ITGA2: variants seen among roughly 807,000 people sequenced by gnomAD.
ITGA2 encodes the protein integrin subunit alpha 2.
A neutral mutation model predicts 146.3 loss-of-function variants in ITGA2; 101 were observed. That is an observed-to-expected ratio of 0.69 (90% CI 0.59 to 0.81). The LOEUF (loss-of-function observed/expected upper bound fraction) is 0.81. Ranked by LOEUF, ITGA2 falls within the 40% of genes least tolerant of loss-of-function variation. ITGA2 has a pLI of 0.00. For missense variants in ITGA2, 1,281 were observed against 1,402.7 expected, an observed-to-expected ratio of 0.91 and a Z score of 1.39; for synonymous variants, 477 against 487.1, an observed-to-expected ratio of 0.98 and a Z score of 0.27.
Position 53,075,092 on chromosome 5 carries a change from T to A in ITGA2, c.2696T>A (p.Leu899His). ...VTFTINFDFN[L>H]QNLQNQASLS... The stretch of plus-strand genomic sequence containing the variant: ...TTTACTATTAACTTTGACTTCAATC[T>A]TCAAAACCTTCAGAATCAGGCGTCT... The change falls in exon 22 of 30, where the codon CTT becomes CAT. Residue 899 changes from leucine to histidine, a missense_variant. Leu to His is a moderately conservative substitution (Grantham distance 99). This residue lies in a region of ITGA2 where 475 missense variants were observed against 530.5 expected (regional missense o/e 0.90). Coordinates refer to ENST00000296585, the MANE Select transcript of ITGA2 (RefSeq NM_002203.4). The A allele has an allele frequency of 6.2e-7, 1 of 1,611,900 alleles. No homozygotes were observed. Among genetic ancestry groups the A allele is most frequent in the Non-Finnish European group, 8.5e-7 (1 of 1,178,816 alleles).
At chr5:53,041,122 A>T (rs1475607839) in intron 2 of ITGA2, among the ~76,000 whole-genome samples, 1 of 152,040 alleles carries the variant, frequency 6.6e-6, no homozygotes, top group African/African-American at 2.4e-5. Flanking sequence ...CAATACTGAC[A>T]TGAAAAAAAA....
At chr5:53,084,801 T>C (rs1420337631) in intron 27 of ITGA2, among the ~76,000 whole-genome samples, 2 of 152,192 alleles carry the variant, frequency 1.3e-5, no homozygotes, top group African/African-American at 4.8e-5. Context: ...CACTGACTGT[T>C]GCACATCAAA....
intron 2 of ITGA2, among the ~76,000 whole-genome samples, chr5:53,038,586 TC>T (rs1743615604): frequency 6.6e-6 from 1 of 152,136 alleles, no homozygotes; most frequent in Admixed American, 6.5e-5. Flanking sequence ...CCATGCTAGT[TC>T]TAGAACCCAC....
At chr5:53,024,112 G>A (rs144773691) in intron 1 of ITGA2, among the ~76,000 whole-genome samples, 3 of 152,154 alleles carry the variant, frequency 2.0e-5, no homozygotes, top group Non-Finnish European at 2.9e-5. Context: ...CAGAGTGGGT[G>A]ACATTGCGCA....
At position 53,018,929 on chromosome 5, in the gene ITGA2, T is replaced by C. The variant is rs559384614; in HGVS notation, c.65-7819T>C. Among the ~76,000 whole-genome samples, 43 of 152,216 alleles carry C rather than the reference T, an allele frequency of 2.8e-4. 1 individual carries two copies. The highest frequency in any genetic ancestry group is 3.4e-3 in the Middle Eastern group (1 of 294). On this transcript the variant is annotated intron_variant, in intron 1 of 29. Coordinates refer to ENST00000296585, the MANE Select transcript of ITGA2 (RefSeq NM_002203.4). ...AAATACAAAAATTAGCAGGGCGTGG[T>C]GGTACACGCCTGTAATCCCAGCTAC...
intron 14 of ITGA2, 22 bp from the exon 15 acceptor site, chr5:53,065,819 C>T (rs373980183): frequency 1.8e-5 from 29 of 1,611,302 alleles, no homozygotes; most frequent in South Asian, 5.5e-5. Context: ...ACTATAATTT[C>T]GTGTCAAACC....
chr5:53,048,448 T>C lies in ITGA2; in HGVS notation c.473T>C (p.Leu158Pro). 2 of 1,614,158 alleles carry C rather than the reference T, an allele frequency of 1.2e-6. No homozygotes were observed. Among genetic ancestry groups the C allele is most frequent in the Non-Finnish European group, 1.7e-6 (2 of 1,179,978 alleles). The change falls in exon 5 of 30, where the codon CTC becomes CCC. Residue 158 changes from leucine (L) to proline (P), a missense_variant. Physicochemically the swap from Leu to Pro is moderately conservative, Grantham distance 98. This residue lies in a region of ITGA2 where 795 missense variants were observed against 841.7 expected (regional missense o/e 0.94). Coordinates refer to ENST00000296585, the MANE Select transcript of ITGA2 (RefSeq NM_002203.4). ...TCTGACATCAGTCCTGATTTTCAGC[T>C]CTCAGCCAGCTTCTCACCTGCAACT... ...VCSDISPDFQ[L>P]SASFSPATQP... is the part of the protein sequence containing the mutation.
rs895234697 is a variant in ITGA2 at position 53,072,983 on chromosome 5, G to A, written c.2430-135G>A. On this transcript the variant is annotated intron_variant, in intron 19 of 29. Coordinates refer to ENST00000296585, the MANE Select transcript of ITGA2 (RefSeq NM_002203.4). ...TCAGTATCATTTTGATGCAAAGATA[G>A]TTTATTACACAGCAATTTTCTCAGT... 52 of 874,162 alleles carry A rather than the reference G, an allele frequency of 5.9e-5. No homozygotes were observed. The East Asian group carries it at 1.3e-3, about 22-fold the overall frequency. The allele number at this position is 874,162 out of a possible 1,614,324, so 54.2% of individuals were successfully genotyped here. A position where few individuals can be genotyped will look rare whatever the true frequency, so the allele number is the denominator to read the frequency against.
intron 18 of ITGA2, among the ~76,000 whole-genome samples, chr5:53,072,256 C>T (rs1380264310): frequency 6.6e-6 from 1 of 151,842 alleles, no homozygotes; most frequent in Non-Finnish European, 1.5e-5. Flanking sequence ...TGTTTCCACT[C>T]CCTAGAGCAG....
intron 23 of ITGA2, among the ~76,000 whole-genome samples, chr5:53,077,932 C>A (rs1451124960): frequency 6.6e-6 from 1 of 151,998 alleles, no homozygotes; most frequent in Non-Finnish European, 1.5e-5. Context: ...TGTTCTCAGA[C>A]CCCTACCCTC....
intron 2 of ITGA2, among the ~76,000 whole-genome samples, chr5:53,031,960 A>T (rs1336138126): frequency 6.6e-6 from 1 of 152,152 alleles, no homozygotes; most frequent in Non-Finnish European, 1.5e-5. Context: ...CTGTTTGTCT[A>T]ATCTGAAGGC....
chr5:53,006,549 C>T (rs1053048553), intron 1 of ITGA2, among the ~76,000 whole-genome samples: 1 of 152,018 alleles, frequency 6.6e-6, no homozygotes, highest in African/African-American at 2.4e-5. Context: ...CTATTATATC[C>T]GTAACTTATT....
At chr5:53,040,662 C>T (rs755938401) in intron 2 of ITGA2, among the ~76,000 whole-genome samples, 1 of 152,114 alleles carries the variant, frequency 6.6e-6, no homozygotes, top group Non-Finnish European at 1.5e-5. Context: ...TCAACTCTAA[C>T]GTTAAGGCTG....
chr5:53,083,577 G>A, intron 27 of ITGA2, 124 bp downstream of exon 27: 1 of 723,626 alleles, frequency 1.4e-6, no homozygotes, highest in South Asian at 1.5e-5. Flanking sequence ...AAATAACCCA[G>A]AGCATTTTAC....
chr5:53,036,863 G>A (rs984207164), intron 2 of ITGA2, among the ~76,000 whole-genome samples: 1 of 152,100 alleles, frequency 6.6e-6, no homozygotes, highest in South Asian at 2.1e-4. Flanking sequence ...TACTGCACAA[G>A]GCCTGGACAC....
intron 1 of ITGA2, among the ~76,000 whole-genome samples, chr5:52,997,162 C>T (rs759102875): frequency 4.6e-5 from 7 of 152,180 alleles, no homozygotes; most frequent in Non-Finnish European, 1.0e-4. Flanking sequence ...ATGTTTTCAG[C>T]TCCATAGACT....
intron 2 of ITGA2, among the ~76,000 whole-genome samples, chr5:53,028,122 CT>C (rs993452204): frequency 2.8e-4 from 42 of 152,162 alleles, no homozygotes; most frequent in African/African-American, 8.4e-4. Flanking sequence ...ATTCATAAGC[CT>C]TTTTTTCTGT....
At chr5:53,065,600 T>C (rs1730935226) in intron 14 of ITGA2, among the ~76,000 whole-genome samples, 1 of 151,894 alleles carries the variant, frequency 6.6e-6, no homozygotes, top group African/African-American at 2.4e-5. Flanking sequence ...ACTGATCTTT[T>C]CACTGGTTTA....
chr5:53,083,581 AT>A, intron 27 of ITGA2, 128 bp downstream of exon 27: 1 of 715,560 alleles, frequency 1.4e-6, no homozygotes, highest in Non-Finnish European at 2.5e-6. Flanking sequence ...AACCCAGAGC[AT>A]TTTACCCTGA....
Sources: allele counts gnomAD v4.1 joint callset (sites outside exome capture counted in the v4.1 genomes callset), GRCh38; gene constraint gnomAD v4.1.1; regional missense constraint gnomAD v4.1.1; transcripts MANE v1.5; gene names NCBI Gene and HGNC (gene_info 2026-07-23, HGNC 2026-07-21).